GRIN2B: variants seen among roughly 807,000 people sequenced by gnomAD.
The protein encoded by GRIN2B is glutamate receptor ionotropic, NMDA 2B.
Under a neutral mutation model 114.5 loss-of-function variants are expected in GRIN2B, and 5 were observed. That is an observed-to-expected ratio of 0.04 (90% CI 0.02 to 0.09). The LOEUF is 0.09. GRIN2B is among the 10% of genes least tolerant of loss of function. The probability of loss-of-function intolerance (pLI) is 1.00; values close to 1 mark genes in which losing one functional copy is unlikely to be tolerated. For synonymous variants in GRIN2B, 787 were observed against 745.1 expected, an observed-to-expected ratio of 1.06 and a Z score of -0.92; for missense variants, 1,108 against 1,943.5, an observed-to-expected ratio of 0.57 and a Z score of 8.08.
chr12:13,855,130 A>T (rs1865638213), intron 3 of GRIN2B, among the ~76,000 whole-genome samples: 1 of 151,696 alleles, frequency 6.6e-6, no homozygotes, highest in Admixed American at 6.6e-5. Flanking sequence ...AGGCAGCAGA[A>T]TCACTTGAAC....
At chr12:13,892,723 C>T (rs1359129170) in intron 2 of GRIN2B, among the ~76,000 whole-genome samples, 1 of 152,150 alleles carries the variant, frequency 6.6e-6, no homozygotes, top group African/African-American at 2.4e-5. Context: ...GAGAATAACA[C>T]GGGGGCCTAA....
At chr12:13,706,554 T>C (rs1950361531) in intron 4 of GRIN2B, among the ~76,000 whole-genome samples, 1 of 152,126 alleles carries the variant, frequency 6.6e-6, no homozygotes, top group Non-Finnish European at 1.5e-5. Context: ...GCCATGTTGC[T>C]GTATGGACAG....
chr12:13,894,102 C>A (rs913287876), intron 2 of GRIN2B, among the ~76,000 whole-genome samples: 1 of 152,048 alleles, frequency 6.6e-6, no homozygotes, highest in Non-Finnish European at 1.5e-5. Context: ...TGAAACACAG[C>A]ACTCTCACAT....
At chr12:13,917,224 G>A (rs1866749979) in intron 2 of GRIN2B, among the ~76,000 whole-genome samples, 1 of 152,042 alleles carries the variant, frequency 6.6e-6, no homozygotes, top group African/African-American at 2.4e-5. Context: ...TCCAAATGGG[G>A]TCCCACTAAT....
chr12:13,841,503 G>C (rs1448345785), intron 3 of GRIN2B, among the ~76,000 whole-genome samples: 1 of 152,060 alleles, frequency 6.6e-6, no homozygotes, highest in Non-Finnish European at 1.5e-5. Context: ...TATCCCATAG[G>C]ACCTCAGTGC....
At chr12:13,600,135 T>C (rs891358006) in intron 10 of GRIN2B, among the ~76,000 whole-genome samples, 3 of 152,184 alleles carry the variant, frequency 2.0e-5, no homozygotes, top group African/African-American at 7.2e-5. Flanking sequence ...TGCATAGGGA[T>C]ACCTTTCTAA....
intron 1 of GRIN2B, among the ~76,000 whole-genome samples, chr12:13,981,045 C>T (rs1189638708): frequency 6.6e-6 from 1 of 152,142 alleles, no homozygotes; most frequent in African/African-American, 2.4e-5. Context: ...GACGGATGGG[C>T]TCGGCGCGTG....
chr12:13,923,322 T>A (rs917153877), intron 2 of GRIN2B, among the ~76,000 whole-genome samples: 3 of 152,218 alleles, frequency 2.0e-5, no homozygotes, highest in Non-Finnish European at 2.9e-5. Flanking sequence ...ACTGACATTT[T>A]TTCTGGAAAA....
At chr12:13,844,724 G>T (rs1030733071) in intron 3 of GRIN2B, among the ~76,000 whole-genome samples, 1 of 152,192 alleles carries the variant, frequency 6.6e-6, no homozygotes, top group Non-Finnish European at 1.5e-5. Flanking sequence ...TGATGATGGG[G>T]ATAGTGACAA....
At chr12:13,860,887 C>T (rs965857442) in intron 3 of GRIN2B, among the ~76,000 whole-genome samples, 2 of 152,106 alleles carry the variant, frequency 1.3e-5, no homozygotes, top group African/African-American at 4.8e-5. Context: ...TATTTTCCTT[C>T]CTACCTTCTG....
intron 3 of GRIN2B, among the ~76,000 whole-genome samples, chr12:13,761,879 T>A (rs1489745790): frequency 6.6e-6 from 1 of 152,226 alleles, no homozygotes; most frequent in East Asian, 1.9e-4. Context: ...AATTAAGTAG[T>A]AGCGTTATCA....
chr12:13,621,965 C>T (rs967660250), intron 5 of GRIN2B, among the ~76,000 whole-genome samples: 1 of 151,478 alleles, frequency 6.6e-6, no homozygotes, highest in Non-Finnish European at 1.5e-5. Flanking sequence ...CGTTTGTCCC[C>T]CCACCATGAA....
intron 4 of GRIN2B, among the ~76,000 whole-genome samples, chr12:13,742,805 C>T (rs1565520779): frequency 6.6e-6 from 1 of 152,206 alleles, no homozygotes. Context: ...CCCAATTTTG[C>T]TTGTTGCTAG....
intron 3 of GRIN2B, among the ~76,000 whole-genome samples, chr12:13,768,770 C>G (rs1239545032): frequency 6.6e-6 from 1 of 152,200 alleles, no homozygotes; most frequent in Non-Finnish European, 1.5e-5. Flanking sequence ...CACGGTGGCT[C>G]ACGCCTGTAA....
intron 4 of GRIN2B, among the ~76,000 whole-genome samples, chr12:13,731,187 C>G (rs943929241): frequency 1.3e-5 from 2 of 152,302 alleles, no homozygotes; most frequent in Admixed American, 1.3e-4. Context: ...GACTGCATAG[C>G]TGTAGGCACT....
intron 4 of GRIN2B, among the ~76,000 whole-genome samples, chr12:13,685,168 T>A (rs1306713167): frequency 7.2e-5 from 11 of 152,192 alleles, no homozygotes; most frequent in Admixed American, 7.2e-4. Context: ...ATTTCCTCAA[T>A]TTGTCCTTTC....
At chr12:13,698,224 G>A (rs1361346238) in intron 4 of GRIN2B, among the ~76,000 whole-genome samples, 5 of 152,240 alleles carry the variant, frequency 3.3e-5, no homozygotes, top group Non-Finnish European at 5.9e-5. Flanking sequence ...GAGTTGGGGC[G>A]CGGGGCGCGG....
intron 3 of GRIN2B, among the ~76,000 whole-genome samples, chr12:13,759,398 A>T (rs1218531121): frequency 6.6e-6 from 1 of 152,214 alleles, no homozygotes; most frequent in Non-Finnish European, 1.5e-5. Context: ...CTTTTACAAA[A>T]TGTGAGGGGA....
At chr12:13,713,607 C>A (rs1950432269) in intron 4 of GRIN2B, among the ~76,000 whole-genome samples, 2 of 151,874 alleles carry the variant, frequency 1.3e-5, no homozygotes, top group Non-Finnish European at 2.9e-5. Context: ...TCACATGAAC[C>A]AATACGTCAT....
Sources: allele counts gnomAD v4.1 joint callset (sites outside exome capture counted in the v4.1 genomes callset), GRCh38; gene constraint gnomAD v4.1.1; transcripts MANE v1.5; gene names NCBI Gene and HGNC (gene_info 2026-07-23, HGNC 2026-07-21).